The following HNF4G variants were observed in gnomAD, a reference collection of about 807,000 sequenced individuals.
HNF4G encodes hepatocyte nuclear factor 4-gamma.
HNF4G carries 21 observed loss-of-function variants against 50.9 expected under a neutral mutation model. The ratio of observed to expected loss-of-function variants is 0.41; its 90% CI spans 0.29 to 0.59. The LOEUF is 0.59. Among genes scored for constraint, HNF4G ranks in the 20% least tolerant of loss-of-function variants. HNF4G has a pLI of 0.26. For missense variants in HNF4G, 527 were observed against 559.4 expected (o/e 0.94, Z 0.58); for synonymous variants, 198 against 185.6 (o/e 1.07, Z -0.54).
upstream of HNF4G, among the ~76,000 whole-genome samples, chr8:75,536,353 CAT>C (rs751048777): frequency 1.3e-5 from 2 of 151,900 alleles, no homozygotes; most frequent in Non-Finnish European, 2.9e-5. Flanking sequence ...TAAAAGCACT[CAT>C]AAATTTCTGT....
intron 1 of HNF4G, among the ~76,000 whole-genome samples, chr8:75,435,093 C>T (rs1811105573): frequency 6.6e-6 from 1 of 152,056 alleles, no homozygotes; most frequent in Admixed American, 6.6e-5. Context: ...TGATATCAAA[C>T]CAACACAAAA....
chr8:75,485,647 A>G (rs1417611090), intron 1 of HNF4G: 3 of 152,198 alleles, frequency 2.0e-5, no homozygotes, highest in Non-Finnish European at 4.4e-5. Context: ...TAATTTATTT[A>G]TTTCAAACTT....
intron 2 of HNF4G, among the ~76,000 whole-genome samples, chr8:75,521,887 C>T (rs111245544): frequency 2.0e-4 from 30 of 152,126 alleles, no homozygotes; most frequent in South Asian, 2.1e-4. Context: ...CACACACAGT[C>T]CTTGCCTTAC....
chr8:75,505,745 T>C (rs1813063147), intron 2 of HNF4G, among the ~76,000 whole-genome samples: 1 of 151,742 alleles, frequency 6.6e-6, no homozygotes, highest in Admixed American at 6.6e-5. Context: ...TTCTTGACAC[T>C]TTTGTCATCT....
chr8:75,490,131 G>GA (rs1812590160), exon 2 of HNF4G: 1 of 152,572 alleles, frequency 6.6e-6, no homozygotes, highest in Admixed American at 6.5e-5. Flanking sequence ...TGACACTACA[G>GA]AAAAAACTGA....
chr8:75,546,940 T>A (rs1014619003), intron 2 of HNF4G, among the ~76,000 whole-genome samples: 1 of 152,156 alleles, frequency 6.6e-6, no homozygotes, highest in African/African-American at 2.4e-5. Flanking sequence ...TTTAAGACAG[T>A]GCTAAACTGT....
rs558596357 is a variant in HNF4G at position 75,493,393 on chromosome 8, C to A, written c.-24+3185C>A. ...TTTCTCACAGAATGAATCATTGAGG[C>A]AAAAGCTATAAAGGTATATACAGCA... On this transcript the variant is annotated intron_variant, in intron 2 of 10. Transcript: ENST00000354370. Among the ~76,000 whole-genome samples, 416 of 152,100 alleles carry A rather than the reference C, an allele frequency of 2.7e-3. 1 individual carries two copies. The highest frequency in any genetic ancestry group is 9.4e-3 in the African/African-American group (392 of 41,508).
intron 1 of HNF4G, among the ~76,000 whole-genome samples, chr8:75,464,190 A>G (rs1222607903): frequency 6.6e-6 from 1 of 152,024 alleles, no homozygotes; most frequent in Non-Finnish European, 1.5e-5. Flanking sequence ...CAGGAAACCT[A>G]GGGCACTCAT....
chr8:75,488,047 C>T (rs1329063311), intron 1 of HNF4G, among the ~76,000 whole-genome samples: 1 of 152,172 alleles, frequency 6.6e-6, no homozygotes, highest in African/African-American at 2.4e-5. Flanking sequence ...TACCTCCCAC[C>T]AGATCCCTCC....
At chr8:75,526,564 T>C (rs1448593323) in intron 2 of HNF4G, among the ~76,000 whole-genome samples, 1 of 151,030 alleles carries the variant, frequency 6.6e-6, no homozygotes, top group Non-Finnish European at 1.5e-5. Flanking sequence ...GACAGGGTCT[T>C]GCTCTATTGC....
intron 1 of HNF4G, among the ~76,000 whole-genome samples, chr8:75,430,150 CA>C (rs71271861): frequency 0.28 from 33,818 of 118,760 alleles, 3,983 homozygotes; most frequent in Non-Finnish European, 0.34. Context: ...GATCTTGTTT[CA>C]AAAAAAAAAA....
intron 2 of HNF4G, among the ~76,000 whole-genome samples, chr8:75,529,274 G>C (rs887202119): frequency 1.3e-5 from 2 of 151,846 alleles, no homozygotes; most frequent in African/African-American, 4.8e-5. Context: ...CTGGGCAACG[G>C]AGCGAGGTTC....
intron 1 of HNF4G, among the ~76,000 whole-genome samples, chr8:75,433,427 A>AAAAG (rs1563504312): frequency 1.3e-5 from 2 of 151,682 alleles, no homozygotes; most frequent in African/African-American, 4.8e-5. Flanking sequence ...AAAAAAAAAA[A>AAAAG]AAAGAAAGAA....
rs972464601 is a variant in HNF4G, at chr8:75,413,481, A to C, written c.-144+5319A>C. ...AATATGTAAGATGAAGGAGTGAGAG[A>C]GATTGAAACTGACCTACATTTTTAT... On this transcript the variant is annotated intron_variant, in intron 1 of 10. Coordinates refer to the HNF4G transcript ENST00000354370. Among the ~76,000 whole-genome samples the C allele has an allele frequency of 3.3e-5, 5 of 151,866 alleles. No individual in the cohort carries two copies. The East Asian group carries it at 9.7e-4, about 29-fold the overall frequency.
intron 2 of HNF4G, among the ~76,000 whole-genome samples, chr8:75,510,216 T>C (rs1805714372): frequency 6.6e-6 from 1 of 152,172 alleles, no homozygotes; most frequent in South Asian, 2.1e-4. Context: ...TAGAAAATGT[T>C]TATAGAATAT....
chr8:75,411,876 ATAAT>A (rs1207586841), intron 1 of HNF4G, among the ~76,000 whole-genome samples: 1 of 152,186 alleles, frequency 6.6e-6, no homozygotes, highest in Admixed American at 6.5e-5. Flanking sequence ...CCTATGCCAT[ATAAT>A]TGGTAGGGTA....
chr8:75,504,230 GACACACACAC>G (rs201513424), intron 2 of HNF4G, among the ~76,000 whole-genome samples: 17 of 108,302 alleles, frequency 1.6e-4, no homozygotes, highest in East Asian at 9.7e-4. Context: ...AAAGCACACA[GACACACACAC>G]ACACACACAC....
chr8:75,514,052 G>A (rs1805827251), intron 2 of HNF4G, among the ~76,000 whole-genome samples: 1 of 151,784 alleles, frequency 6.6e-6, no homozygotes, highest in Non-Finnish European at 1.5e-5. Flanking sequence ...ATGTATCGAA[G>A]GTTTGAATTA....
chr8:75,504,441 AG>A (rs1276159711), intron 2 of HNF4G, among the ~76,000 whole-genome samples: 1 of 152,180 alleles, frequency 6.6e-6, no homozygotes, highest in Admixed American at 6.5e-5. Flanking sequence ...CTAGGTCAAA[AG>A]TTACAAGCAT....
Sources: allele counts gnomAD v4.1 joint callset (sites outside exome capture counted in the v4.1 genomes callset), GRCh38; gene constraint gnomAD v4.1.1; transcripts MANE v1.5; gene names NCBI Gene and HGNC (gene_info 2026-07-23, HGNC 2026-07-21).